NXF1: variants seen among roughly 807,000 people sequenced by gnomAD.
NXF1 encodes the protein nuclear RNA export factor 1, also known as mRNA export factor TAP.
NXF1 carries 43 observed loss-of-function variants against 92.4 expected under a neutral mutation model. That is an observed-to-expected ratio of 0.47 (90% CI 0.36 to 0.60). NXF1 has a LOEUF of 0.60. Ranked by LOEUF, NXF1 falls within the 20% of genes least tolerant of loss-of-function variation. The pLI, the probability that NXF1 is intolerant of heterozygous loss-of-function variation, is 0.00. For synonymous variants in NXF1, 288 were observed against 292.2 expected (o/e 0.99, Z 0.15); for missense variants, 576 against 793.0 (o/e 0.73, Z 3.29).
chr11:62,805,273 G>A, intron 1 of NXF1, 56 bp downstream of exon 1: 1 of 1,569,012 alleles, frequency 6.4e-7, no homozygotes, highest in Non-Finnish European at 8.6e-7. Context: ...GCCTAGGCCG[G>A]CGCCGCCCAC....
chr11:62,802,069 T>C (rs755863834), intron 4 of NXF1, 23 bp from the exon 5 acceptor site: 11 of 1,611,912 alleles, frequency 6.8e-6, no homozygotes. Flanking sequence ...ACAGGAGCAT[T>C]ACACTGGGAG....
At chr11:62,795,741 G>A (rs975827550) in intron 17 of NXF1, among the ~76,000 whole-genome samples, 160 bp downstream of exon 17, 40 of 152,152 alleles carry the variant, frequency 2.6e-4, no homozygotes, top group African/African-American at 9.7e-4. Flanking sequence ...GACAGGACAG[G>A]TGGAGAGGTA....
chr11:62,800,225 G>A (rs773136750), intron 10 of NXF1, 152 bp downstream of exon 10: 1 of 1,456,952 alleles, frequency 6.9e-7, no homozygotes, highest in Non-Finnish European at 9.1e-7. Context: ...GACACAGACA[G>A]ACCAAAGTGG....
intron 1 of NXF1, chr11:62,804,179 CTGTG>C (rs1413708577): frequency 1.3e-6 from 2 of 1,526,866 alleles, no homozygotes; most frequent in African/African-American, 1.4e-5. Flanking sequence ...TACTGGAAAA[CTGTG>C]TAGGGCTTTT....
chr11:62,794,170 A>G (rs1346785363), intron 19 of NXF1, 88 bp downstream of exon 19: 2 of 1,358,230 alleles, frequency 1.5e-6, no homozygotes, highest in African/African-American at 2.9e-5. Flanking sequence ...GTCTCCAAAA[A>G]AAAAACAAAA....
rs2084502808 is a variant in NXF1, at chr11:62,803,577, G to A, written c.216-5C>T. ...GGTCGGGTGGTATAGGGGTTGCTGTGGGTAAGCAGAGAATAAAATGACCAC... is the reference window on the plus strand; with the variant it reads ...GGTCGGGTGGTATAGGGGTTGCTGTAGGTAAGCAGAGAATAAAATGACCAC... On this transcript the variant is annotated splice_polypyrimidine_tract_variant and splice_region_variant and intron_variant, in intron 2 of 20. Coordinates refer to ENST00000294172, the MANE Select transcript of NXF1 (RefSeq NM_006362.5). 6.2e-7 allele frequency: 1 copy of A among 1,613,894 alleles called. No homozygotes were observed. Among genetic ancestry groups the A allele is most frequent in the African/African-American group, 1.3e-5 (1 of 74,994 alleles).
chr11:62,803,993 A>G lies in NXF1; in HGVS notation c.29-15T>C, dbSNP rs755585931. The G allele has an allele frequency of 6.2e-7, 1 of 1,610,682 alleles. No individual in the cohort carries two copies. Among genetic ancestry groups the G allele is most frequent in the East Asian group, 2.2e-5 (1 of 44,866 alleles). On this transcript the variant is annotated splice_polypyrimidine_tract_variant and intron_variant, in intron 1 of 20. Transcript: ENST00000294172. Reference sequence around the variant, plus strand: ...ATCATCGTGTTCTAGAGTTAGAAACAGGAACACAAATTAGAAGTAAGTAAC... The same window carrying G: ...ATCATCGTGTTCTAGAGTTAGAAACGGGAACACAAATTAGAAGTAAGTAAC...
chr11:62,798,476 A>AC, intron 11 of NXF1, 63 bp downstream of exon 11: 1 of 1,581,898 alleles, frequency 6.3e-7, no homozygotes, highest in South Asian at 1.2e-5. Flanking sequence ...AAAGAAACCT[A>AC]TCCAGGAATC....
Position 62,794,209 on chromosome 11 carries a change from A to G in NXF1, c.1760+49T>C, listed in dbSNP as rs371065573. On this transcript the variant is annotated intron_variant, in intron 19 of 20. Coordinates refer to ENST00000294172, the MANE Select transcript of NXF1 (RefSeq NM_006362.5). ...CTGTCAGGAGCCCTCATTATTTACT[A>G]CTAGCCCTACTTCAGTGCATCCCCA... is the stretch of plus-strand genomic sequence containing the variant. 32 of 1,557,480 alleles carry G rather than the reference A, an allele frequency of 2.1e-5. No individual in the cohort carries two copies. In the African/African-American group the frequency reaches 3.6e-4, roughly 17 times the overall value.
intron 10 of NXF1, chr11:62,799,966 G>C (rs2084460540): frequency 1.0e-6 from 1 of 1,000,260 alleles, no homozygotes; most frequent in African/African-American, 1.7e-5. Flanking sequence ...ATCTCAGTAG[G>C]AAGTCCCAGG....
chr11:62,792,231 C>A lies in NXF1; in HGVS notation c.*245G>T. ...TCCTGGGGTTAAGTACACAAAGCAC[C>A]TAAGTCCTTCGGGTAGTTTAGTGTC... On this transcript the variant is annotated 3_prime_UTR_variant, in exon 21 of 21. Coordinates refer to ENST00000294172, the MANE Select transcript of NXF1 (RefSeq NM_006362.5). 2 of 667,332 alleles carry A rather than the reference C, an allele frequency of 3.0e-6. No homozygotes were observed. The highest frequency in any genetic ancestry group is 5.4e-5 in the Admixed American group (2 of 36,860). The allele number at this position is 667,332 out of a possible 1,614,324, so 41.3% of individuals were successfully genotyped here.
In NXF1 at chr11:62,796,189, T is replaced by C. The variant is rs1370681801; in HGVS notation, c.1346-8A>G. The C allele has an allele frequency of 6.2e-7, 1 of 1,613,966 alleles. No homozygotes were observed. The highest frequency in any genetic ancestry group is 2.2e-5 in the East Asian group (1 of 44,884). On this transcript the variant is annotated splice_region_variant and splice_polypyrimidine_tract_variant and intron_variant, in intron 15 of 20. Coordinates refer to ENST00000294172, the MANE Select transcript of NXF1 (RefSeq NM_006362.5). ...GCAGCCGGAACCGCAAGGCTGTGGG[T>C]AGAGGAGAAAGCTCAGTGGTGCTGC...
rs2084374113 is a variant in NXF1 at position 62,792,426 on chromosome 11, A to G, written c.*50T>C. On this transcript the variant is annotated 3_prime_UTR_variant, in exon 21 of 21. Coordinates refer to ENST00000294172, the MANE Select transcript of NXF1 (RefSeq NM_006362.5). ...GATGACAGACGACAACCAGACGGTA[A>G]TATCCAAGGACTATTTACAGGGGGG... The G allele has an allele frequency of 1.2e-6, 2 of 1,609,128 alleles. No individual in the cohort carries two copies. The highest frequency in any genetic ancestry group is 2.7e-5 in the African/African-American group (2 of 74,956).
At position 62,792,699 on chromosome 11, in the gene NXF1, C is replaced by CA; in HGVS notation, c.1762dup (p.Cys588LeufsTer45). 6.2e-7 allele frequency: 1 copy of CA among 1,614,184 alleles called. No homozygotes were observed. Among genetic ancestry groups the CA allele is most frequent in the Non-Finnish European group, 8.5e-7 (1 of 1,180,022 alleles). On this transcript the variant is annotated frameshift_variant and splice_region_variant, in exon 20 of 21. Transcript: ENST00000294172. LOFTEE classifies it high-confidence loss of function. ...GTAGTCCCAGTTGTTGTCCTGAAGGCACCTGGAGTGGAAGAACAGGCAGCT... is the reference window on the plus strand; with the variant it reads ...GTAGTCCCAGTTGTTGTCCTGAAGGCAACCTGGAGTGGAAGAACAGGCAGCT...
At position 62,800,468 on chromosome 11, in the gene NXF1, A is replaced by G. The variant is rs753609701; in HGVS notation, c.925T>C (p.Leu309=). ...AGCTTCAGCCCCTTTATCTTGTCCA[A>G]TTCCCGCTCAGACTTCAACTGCAAA... The part of the protein sequence containing the change: ...SGNELKSERE[L]DKIKGLKLEE... Residue 309 remains leucine (L), a synonymous_variant, in exon 10 of 21, where the codon TTG becomes CTG. Transcript: ENST00000294172. 5 of 1,613,670 alleles carry G rather than the reference A, an allele frequency of 3.1e-6. No individual in the cohort carries two copies. In the African/African-American group the frequency reaches 6.7e-5, roughly 22 times the overall value.
At position 62,794,853 on chromosome 11, in the gene NXF1, A is replaced by G. The variant is rs996012340; in HGVS notation, c.1577+82T>C. On this transcript the variant is annotated intron_variant, in intron 18 of 20. Coordinates refer to ENST00000294172, the MANE Select transcript of NXF1 (RefSeq NM_006362.5). ...CCTGTTGCCTTTCTGAAATCACCCC[A>G]AAGACTGACTCTACCCTCCAATTAC... 6.0e-6 allele frequency: 8 copies of G among 1,334,186 alleles called. No individual in the cohort carries two copies. The East Asian group carries it at 1.9e-4, about 31-fold the overall frequency. 82.6% of individuals were successfully genotyped at this position (1,334,186 alleles called of 1,614,324 possible). A position where few individuals can be genotyped will look rare whatever the true frequency, so the allele number is the denominator to read the frequency against.
chr11:62,795,578 G>A (rs1415328654), intron 17 of NXF1, among the ~76,000 whole-genome samples: 2 of 152,208 alleles, frequency 1.3e-5, no homozygotes, highest in Non-Finnish European at 2.9e-5. Flanking sequence ...GCACCACTAT[G>A]AGACGGCTAT....
rs779814469 is a variant in NXF1, at chr11:62,803,894, C to T, written c.113G>A (p.Arg38His). The change falls in exon 2 of 21, where the codon CGT becomes CAT. Residue 38 changes from arginine (R) to histidine (H), a missense_variant. This residue lies in a region of NXF1 where 151 missense variants were observed against 157.8 expected (regional missense o/e 0.96). Transcript: ENST00000294172. ...PFRWKYGEGN[R>H]RSGRGGSGIR... The stretch of plus-strand genomic sequence containing the variant: ...ACCAGAACCGCCTCTTCCAGACCTA[C>T]GGTTTCCTTCACCATATTTCCACCG... The T allele has an allele frequency of 3.7e-6, 6 of 1,614,222 alleles. No homozygotes were observed. Among genetic ancestry groups the T allele is most frequent in the Middle Eastern group, 1.6e-4 (1 of 6,062 alleles).
At position 62,802,237 on chromosome 11, in the gene NXF1, G is replaced by T; in HGVS notation, c.393C>A (p.Asp131Glu). 2 of 1,614,112 alleles carry T rather than the reference G, an allele frequency of 1.2e-6. No individual in the cohort carries two copies. Among genetic ancestry groups the T allele is most frequent in the South Asian group, 2.2e-5 (2 of 91,086 alleles). Residue 131 changes from aspartate to glutamate, a missense_variant, in exon 4 of 21, where the codon GAC (aspartate) becomes GAA (glutamate). Around this residue, in one of 2 missense-constraint regions of NXF1, gnomAD observed 425 missense variants for 635.2 expected, o/e 0.67. Transcript: ENST00000294172. ...KITIPYGRKY[D>E]KAWLLSMIQS... ...GAATCATGCTCAGGAGCCATGCCTT[G>T]TCATACTTTCTGCCATAAGGAATCT...
Sources: gnomAD v4.1 joint callset for allele counts (sites outside exome capture counted in the v4.1 genomes callset) on GRCh38, gnomAD v4.1.1 for gene constraint, gnomAD v4.1.1 regional missense constraint, MANE v1.5 for transcripts, NCBI Gene and HGNC (gene_info 2026-07-23, HGNC 2026-07-21) for gene names.